Variants in TIFAB observed in about 807,000 individuals in gnomAD.
TIFAB encodes TIFA inhibitor.
For synonymous variants in TIFAB, 116 were observed against 95.2 expected, an observed-to-expected ratio of 1.22 and a Z score of -1.27; for missense variants, 222 against 203.6, an observed-to-expected ratio of 1.09 and a Z score of -0.55.
rs756802007 is a variant in TIFAB at position 135,446,941 on chromosome 5, CA to C, written c.*2512del. 1 of 1,612,602 alleles carries C rather than the reference CA, an allele frequency of 6.2e-7. No homozygotes were observed. Among genetic ancestry groups the C allele is most frequent in the Non-Finnish European group, 8.5e-7 (1 of 1,179,230 alleles). ...CACTGAGGCCCTGGAGAGGGGCACT[CA>C]GGGGCAGCAGCTCATTCCCAAAGTT... is the stretch of plus-strand genomic sequence containing the variant. On this transcript the variant is annotated 3_prime_UTR_variant, in exon 2 of 2. Coordinates refer to ENST00000537858, the MANE Select transcript of TIFAB (RefSeq NM_001099221.2).
At chr5:135,450,072 A>G (rs1277858699) in intron 1 of TIFAB, 123 bp from the exon 2 acceptor site, 2 of 1,323,350 alleles carry the variant, frequency 1.5e-6, no homozygotes, top group African/African-American at 2.9e-5. Context: ...CACTCTGCCC[A>G]AGCCAGGATG....
Position 135,447,197 on chromosome 5 carries a change from C to G in TIFAB, c.*2257G>C. 1 of 1,522,584 alleles carries G rather than the reference C, an allele frequency of 6.6e-7. No individual in the cohort carries two copies. The allele number at this position is 1,522,584 out of a possible 1,614,324, so 94.3% of individuals were successfully genotyped here. ...TGGCTTCTTCTCCTTGCCAGCCCTA[C>G]CAGGGCATCTCCCATTATACTAACC... is the stretch of plus-strand genomic sequence containing the variant. On this transcript the variant is annotated 3_prime_UTR_variant, in exon 2 of 2. Transcript: ENST00000537858.
In TIFAB at chr5:135,447,270, C is replaced by T. The variant is rs1395101809; in HGVS notation, c.*2184G>A. ...CAAGGAGCAGATTAAAATCCCCTCC[C>T]TGTTGCCTACCAGGTCCGTGGCTAC... On this transcript the variant is annotated 3_prime_UTR_variant, in exon 2 of 2. Transcript: ENST00000537858. 1 of 819,386 alleles carries T rather than the reference C, an allele frequency of 1.2e-6. No individual in the cohort carries two copies. Among genetic ancestry groups the T allele is most frequent in the African/African-American group, 1.7e-5 (1 of 57,684 alleles). 50.8% of individuals were successfully genotyped at this position (819,386 alleles called of 1,614,324 possible).
At position 135,447,324 on chromosome 5, in the gene TIFAB, A is replaced by G. The variant is rs1769289824; in HGVS notation, c.*2130T>C. ...TAAATCCCTAGTTGGGGAATCACAG[A>G]GCACAGGTAAGCCCTTGGGTTCTGG... On this transcript the variant is annotated 3_prime_UTR_variant, in exon 2 of 2. Transcript: ENST00000537858. The G allele has an allele frequency of 4.8e-6, 3 of 619,210 alleles. No homozygotes were observed. Among genetic ancestry groups the G allele is most frequent in the Admixed American group, 3.0e-5 (1 of 33,202 alleles). 38.4% of individuals were successfully genotyped at this position (619,210 alleles called of 1,614,324 possible). A position where few individuals can be genotyped will look rare whatever the true frequency, so the allele number is the denominator to read the frequency against.
chr5:135,448,639 G>GTGAGGA lies in TIFAB; in HGVS notation c.*809_*814dup, dbSNP rs1769313275. On this transcript the variant is annotated 3_prime_UTR_variant, in exon 2 of 2. Transcript: ENST00000537858. The stretch of plus-strand genomic sequence containing the variant: ...CCAGAAGTGACAGAGAATGCGGAGT[G>GTGAGGA]TGAGGATGAGGATGATAAGGGGGAC... The GTGAGGA allele has an allele frequency of 6.6e-6, 1 of 152,226 alleles. No homozygotes were observed. The allele number at this position is 152,226 out of a possible 1,614,324, so 9.4% of individuals were successfully genotyped here. A position where few individuals can be genotyped will look rare whatever the true frequency, so the allele number is the denominator to read the frequency against.
Position 135,444,788 on chromosome 5 carries a change from C to T in TIFAB, c.*4666G>A, listed in dbSNP as rs1253096676. 1.3e-5 allele frequency: 2 copies of T among 152,264 alleles called. No individual in the cohort carries two copies. Among genetic ancestry groups the T allele is most frequent in the South Asian group, 2.1e-4 (1 of 4,834 alleles). 9.4% of individuals were successfully genotyped at this position (152,264 alleles called of 1,614,324 possible). A position where few individuals can be genotyped will look rare whatever the true frequency, so the allele number is the denominator to read the frequency against. On this transcript the variant is annotated 3_prime_UTR_variant, in exon 2 of 2. Transcript: ENST00000537858. ...AGCCCCTTGACAAAGTCTTGCTCTA[C>T]ACGTTTCTGTAGTGACCGTCCATTT... is the stretch of plus-strand genomic sequence containing the variant.
Position 135,444,729 on chromosome 5 carries a change from G to A in TIFAB, c.*4725C>T, listed in dbSNP as rs1769224814. On this transcript the variant is annotated 3_prime_UTR_variant, in exon 2 of 2. Coordinates refer to ENST00000537858, the MANE Select transcript of TIFAB (RefSeq NM_001099221.2). The stretch of plus-strand genomic sequence containing the variant: ...GAATCGGTTCTCAGTTCCCATTCCA[G>A]CTCTGCTATTTAGACACCGGGAGAC... 1 of 152,380 alleles carries A rather than the reference G, an allele frequency of 6.6e-6. No homozygotes were observed. Among genetic ancestry groups the A allele is most frequent in the Admixed American group, 6.5e-5 (1 of 15,306 alleles). The allele number at this position is 152,380 out of a possible 1,614,324, so 9.4% of individuals were successfully genotyped here. A position where few individuals can be genotyped will look rare whatever the true frequency, so the allele number is the denominator to read the frequency against.
chr5:135,446,262 C>G lies in TIFAB; in HGVS notation c.*3192G>C. ...GGGGGTGGGGACAAGAATTCTAACC[C>G]AGGCAGCAGTCTGACCAGAGGGCCC... On this transcript the variant is annotated 3_prime_UTR_variant, in exon 2 of 2. Coordinates refer to ENST00000537858, the MANE Select transcript of TIFAB (RefSeq NM_001099221.2). The G allele has an allele frequency of 7.4e-7, 1 of 1,345,484 alleles. No homozygotes were observed. The highest frequency in any genetic ancestry group is 2.3e-5 in the East Asian group (1 of 42,848). 83.3% of individuals were successfully genotyped at this position (1,345,484 alleles called of 1,614,324 possible).
chr5:135,446,943 G>C lies in TIFAB; in HGVS notation c.*2511C>G, dbSNP rs780435690. 2 of 1,612,914 alleles carry C rather than the reference G, an allele frequency of 1.2e-6. No homozygotes were observed. The highest frequency in any genetic ancestry group is 2.7e-5 in the African/African-American group (2 of 75,022). On this transcript the variant is annotated 3_prime_UTR_variant, in exon 2 of 2. Coordinates refer to ENST00000537858, the MANE Select transcript of TIFAB (RefSeq NM_001099221.2). ...CTGAGGCCCTGGAGAGGGGCACTCAGGGGCAGCAGCTCATTCCCAAAGTTC... is the reference window on the plus strand; with the variant it reads ...CTGAGGCCCTGGAGAGGGGCACTCACGGGCAGCAGCTCATTCCCAAAGTTC...
chr5:135,446,233 A>C lies in TIFAB; in HGVS notation c.*3221T>G. On this transcript the variant is annotated 3_prime_UTR_variant, in exon 2 of 2. Coordinates refer to ENST00000537858, the MANE Select transcript of TIFAB (RefSeq NM_001099221.2). ...TTGTCCAGGATCACAGAACTATAGTAAGTGGGGGTGGGGACAAGAATTCTA... is the reference window on the plus strand; with the variant it reads ...TTGTCCAGGATCACAGAACTATAGTCAGTGGGGGTGGGGACAAGAATTCTA... 1.0e-6 allele frequency: 1 copy of C among 974,742 alleles called. No homozygotes were observed. The highest frequency in any genetic ancestry group is 1.5e-6 in the Non-Finnish European group (1 of 655,226). The allele number at this position is 974,742 out of a possible 1,614,324, so 60.4% of individuals were successfully genotyped here. A position where few individuals can be genotyped will look rare whatever the true frequency, so the allele number is the denominator to read the frequency against.
In TIFAB at chr5:135,447,335, G is replaced by A. The variant is rs1769289990; in HGVS notation, c.*2119C>T. The A allele has an allele frequency of 2.0e-5, 12 of 602,276 alleles. 1 individual carries two copies. The South Asian group carries it at 2.4e-4, about 12-fold the overall frequency. 37.3% of individuals were successfully genotyped at this position (602,276 alleles called of 1,614,324 possible). On this transcript the variant is annotated 3_prime_UTR_variant, in exon 2 of 2. Transcript: ENST00000537858. ...TTGGGGAATCACAGAGCACAGGTAAGCCCTTGGGTTCTGGAGCCAGCTTAC... is the reference window on the plus strand; with the variant it reads ...TTGGGGAATCACAGAGCACAGGTAAACCCTTGGGTTCTGGAGCCAGCTTAC...
Position 135,444,308 on chromosome 5 carries a change from A to C in TIFAB, c.*5146T>G, listed in dbSNP as rs1004116240. 7.2e-5 allele frequency: 11 copies of C among 152,242 alleles called. No individual in the cohort carries two copies. Among genetic ancestry groups the C allele is most frequent in the African/African-American group, 2.4e-4 (10 of 41,450 alleles). 9.4% of individuals were successfully genotyped at this position (152,242 alleles called of 1,614,324 possible). A position where few individuals can be genotyped will look rare whatever the true frequency, so the allele number is the denominator to read the frequency against. On this transcript the variant is annotated 3_prime_UTR_variant, in exon 2 of 2. Coordinates refer to ENST00000537858, the MANE Select transcript of TIFAB (RefSeq NM_001099221.2). ...CAGCCCTGCAATTCAAATAGGGTTC[A>C]TTAAATTCGGCATCTCCTCTTAACT...
rs1407206649 is a variant in TIFAB at position 135,446,508 on chromosome 5, T to G, written c.*2946A>C. On this transcript the variant is annotated 3_prime_UTR_variant, in exon 2 of 2. Transcript: ENST00000537858. ...GATATCAAGTGCGAAGACCAGGCCC[T>G]GAAGCCAGCCTGACGGTTCCAGCTG... is the stretch of plus-strand genomic sequence containing the variant. The G allele has an allele frequency of 1.9e-6, 3 of 1,614,034 alleles. No individual in the cohort carries two copies. In the South Asian group the frequency reaches 3.3e-5, roughly 18 times the overall value.
At chr5:135,450,795 A>C (rs966798796) in intron 1 of TIFAB, 1 of 152,266 alleles carries the variant, frequency 6.6e-6, no homozygotes, top group Non-Finnish European at 1.5e-5. Context: ...TTCTCTCCTA[A>C]GAATGCATCT....
In TIFAB at chr5:135,449,251, T is replaced by C; in HGVS notation, c.*203A>G. The C allele has an allele frequency of 1.3e-6, 1 of 798,418 alleles. No individual in the cohort carries two copies. The highest frequency in any genetic ancestry group is 1.7e-5 in the African/African-American group (1 of 57,654). 49.5% of individuals were successfully genotyped at this position (798,418 alleles called of 1,614,324 possible). ...AGCAAGGCAGCCAGTGGGTTTTGCTTGTCAACCTTGCATGATGCAGCTCAA... is the reference window on the plus strand; with the variant it reads ...AGCAAGGCAGCCAGTGGGTTTTGCTCGTCAACCTTGCATGATGCAGCTCAA... On this transcript the variant is annotated 3_prime_UTR_variant, in exon 2 of 2. Coordinates refer to ENST00000537858, the MANE Select transcript of TIFAB (RefSeq NM_001099221.2).
Position 135,445,239 on chromosome 5 carries a change from C to G in TIFAB, c.*4215G>C, listed in dbSNP as rs1199628687. 1 of 152,204 alleles carries G rather than the reference C, an allele frequency of 6.6e-6. No individual in the cohort carries two copies. Among genetic ancestry groups the G allele is most frequent in the East Asian group, 1.9e-4 (1 of 5,168 alleles). 9.4% of individuals were successfully genotyped at this position (152,204 alleles called of 1,614,324 possible). ...CATAAACCTTCCTCAGCAGTCACCA[C>G]ACAGAATCCCAAAACCCCAGGGTTC... is the stretch of plus-strand genomic sequence containing the variant. On this transcript the variant is annotated 3_prime_UTR_variant, in exon 2 of 2. Transcript: ENST00000537858.
chr5:135,449,786 G>A lies in TIFAB; in HGVS notation c.154C>T (p.Arg52Cys), dbSNP rs544578397. ...QDAHLQLQLP[R>C]LSRRHLSLEP... Reference sequence around the variant, plus strand: ...AGGGACAGGTGACGGCGGGAGAGGCGAGGGAGCTGCAGCTGGAGGTGGGCG... The same window carrying A: ...AGGGACAGGTGACGGCGGGAGAGGCAAGGGAGCTGCAGCTGGAGGTGGGCG... The change falls in exon 2 of 2, where the codon CGC becomes TGC. Residue 52 changes from arginine to cysteine, a missense_variant. Transcript: ENST00000537858. The A allele has an allele frequency of 2.4e-5, 39 of 1,611,348 alleles. No individual in the cohort carries two copies. In the East Asian group the frequency reaches 7.4e-4, roughly 30 times the overall value.
At chr5:135,450,447 A>G (rs1426876618) in intron 1 of TIFAB, among the ~76,000 whole-genome samples, 5 of 152,200 alleles carry the variant, frequency 3.3e-5, no homozygotes, top group African/African-American at 9.7e-5. Context: ...GGGAGCACCC[A>G]CTGGTGGAGG....
intron 1 of TIFAB, among the ~76,000 whole-genome samples, chr5:135,451,488 T>TC (rs1769361918): frequency 6.6e-6 from 1 of 150,800 alleles, no homozygotes; most frequent in South Asian, 2.1e-4. Context: ...TTTTTTTCTT[T>TC]TTTTTTTTTT....
Sources: gnomAD v4.1 joint callset for allele counts (sites outside exome capture counted in the v4.1 genomes callset) on GRCh38, gnomAD v4.1.1 for gene constraint, MANE v1.5 for transcripts, NCBI Gene and HGNC (gene_info 2026-07-23, HGNC 2026-07-21) for gene names.